The following SUCLA2 variants were observed in gnomAD, a reference collection of about 807,000 sequenced individuals.
SUCLA2 encodes the protein succinate--CoA ligase [ADP-forming] subunit beta, mitochondrial.
In SUCLA2, 30 loss-of-function variants were observed where a neutral mutation model predicts 54.8. That is an observed-to-expected ratio of 0.55 (90% CI 0.41 to 0.74). The LOEUF (loss-of-function observed/expected upper bound fraction) is 0.74. SUCLA2 is among the 30% of genes least tolerant of loss of function. The pLI is 0.00. For missense variants in SUCLA2, 476 were observed against 562.9 expected, an observed-to-expected ratio of 0.85 and a Z score of 1.56; for synonymous variants, 172 against 188.9, an observed-to-expected ratio of 0.91 and a Z score of 0.74.
intron 6 of SUCLA2, among the ~76,000 whole-genome samples, chr13:47,954,932 C>T (rs1416134922): frequency 1.3e-5 from 2 of 152,150 alleles, no homozygotes; most frequent in African/African-American, 4.8e-5. Context: ...TCCAGCAATT[C>T]TGTCTCCCCT....
chr13:47,989,208 CA>C (rs1950130810), intron 2 of SUCLA2, among the ~76,000 whole-genome samples: 1 of 124,536 alleles, frequency 8.0e-6, no homozygotes, highest in Non-Finnish European at 1.6e-5. Flanking sequence ...TACATTAAAC[CA>C]TTTCTTTTTT....
At chr13:47,997,308 A>G (rs535271916) in intron 1 of SUCLA2, among the ~76,000 whole-genome samples, 1 of 152,306 alleles carries the variant, frequency 6.6e-6, no homozygotes, top group Admixed American at 6.5e-5. Flanking sequence ...CCTCAATGCC[A>G]AATTCAGCGG....
intron 4 of SUCLA2, among the ~76,000 whole-genome samples, chr13:47,974,497 C>T (rs1949992915): frequency 6.6e-6 from 1 of 151,948 alleles, no homozygotes. Context: ...TGAAATGGGA[C>T]GATGGCTTGA....
chr13:47,995,800 A>C (rs1440209915), intron 2 of SUCLA2, among the ~76,000 whole-genome samples: 1 of 152,202 alleles, frequency 6.6e-6, no homozygotes, highest in African/African-American at 2.4e-5. Context: ...TTTTCATGCT[A>C]AATCTTTAAA....
intron 5 of SUCLA2, among the ~76,000 whole-genome samples, chr13:47,972,271 A>G (rs1949972950): frequency 6.6e-6 from 1 of 152,148 alleles, no homozygotes; most frequent in Non-Finnish European, 1.5e-5. Flanking sequence ...AATAAATAAA[A>G]TAACAATGAA....
intron 4 of SUCLA2, among the ~76,000 whole-genome samples, chr13:47,973,705 G>T (rs1206482771): frequency 6.6e-6 from 1 of 152,124 alleles, no homozygotes; most frequent in Non-Finnish European, 1.5e-5. Flanking sequence ...GCCCATCAAT[G>T]ATACACTGGA....
chr13:47,982,885 T>C (rs1027094465), intron 4 of SUCLA2, among the ~76,000 whole-genome samples: 3 of 152,158 alleles, frequency 2.0e-5, no homozygotes, highest in African/African-American at 7.2e-5. Context: ...TTTATATCCT[T>C]TGGCTATAAT....
intron 1 of SUCLA2, among the ~76,000 whole-genome samples, chr13:47,999,433 T>C (rs1327436312): frequency 6.6e-6 from 1 of 152,098 alleles, no homozygotes; most frequent in Non-Finnish European, 1.5e-5. Context: ...ACAGGCCGGG[T>C]GCGGTGGCTC....
At position 47,996,658 on chromosome 13, in the gene SUCLA2, C is replaced by CATA. The variant is rs150579065; in HGVS notation, c.271+182_271+184dup. On this transcript the variant is annotated intron_variant, in intron 2 of 10. Transcript: ENST00000646932. ...CCACGTCACTGGCATTATGGGTGCT[C>CATA]ATAATAATAATAATAATAATAATTT... is the stretch of plus-strand genomic sequence containing the variant. Among the ~76,000 whole-genome samples, 1,387 of 150,954 alleles carry CATA rather than the reference C, an allele frequency of 9.2e-3. 27 individuals carry two copies. The highest frequency in any genetic ancestry group is 0.03 in the African/African-American group (1,246 of 41,134).
At chr13:47,957,209 G>A (rs1009476753) in intron 6 of SUCLA2, among the ~76,000 whole-genome samples, 4 of 151,990 alleles carry the variant, frequency 2.6e-5, no homozygotes, top group Admixed American at 6.5e-5. Context: ...TATAAACCCC[G>A]AGTTTTAGCC....
chr13:47,955,298 C>T (rs9567959), intron 6 of SUCLA2, among the ~76,000 whole-genome samples: 110,880 of 152,030 alleles, frequency 0.73, 41,401 homozygotes, highest in Non-Finnish European at 0.82. Context: ...ACCTCCCAGG[C>T]TCAAGCAATT....
chr13:48,000,882 C>T, intron 1 of SUCLA2: 2 of 1,264,590 alleles, frequency 1.6e-6, no homozygotes, highest in Non-Finnish European at 2.0e-6. Context: ...ATGTCCTGAC[C>T]CCCTCACCTC....
At chr13:47,979,486 G>A (rs7982822) in intron 4 of SUCLA2, among the ~76,000 whole-genome samples, 8,016 of 152,120 alleles carry the variant, frequency 0.053, 284 homozygotes, top group Middle Eastern at 0.13. Context: ...GGGGCCTGTC[G>A]GGGGGTGGGG....
At chr13:47,994,906 ATTAAG>A in intron 2 of SUCLA2, 1 of 974,340 alleles carries the variant, frequency 1.0e-6, no homozygotes, top group Non-Finnish European at 1.2e-6. Flanking sequence ...CCTAAGAATC[ATTAAG>A]TTTTTATAAG....
rs879679737 is a variant in SUCLA2, at chr13:47,943,782, T to TATATAAA, written c.1318-338_1318-337insTTTATAT. ...TGTGTGTGTGTATATATATATATAT[T>TATATAAA]ATTCTAAATTTTATCTTAAAGACAG... is the stretch of plus-strand genomic sequence containing the variant. On this transcript the variant is annotated intron_variant, in intron 10 of 10. Coordinates refer to ENST00000646932, the MANE Select transcript of SUCLA2 (RefSeq NM_003850.3). 2.8e-4 allele frequency among the ~76,000 whole-genome samples: 33 copies of TATATAAA among 118,782 alleles called. No homozygotes were observed. The South Asian group carries it at 9.0e-3, about 33-fold the overall frequency. The allele number at this position is 118,782 out of a possible 152,430, so 77.9% of individuals were successfully genotyped here.
intron 4 of SUCLA2, among the ~76,000 whole-genome samples, chr13:47,984,403 T>C (rs919427932): frequency 1.5e-4 from 22 of 151,260 alleles, no homozygotes; most frequent in African/African-American, 5.1e-4. Context: ...AGTGTTTCAC[T>C]GTGTTAGCCA....
At chr13:47,992,106 A>G (rs1950154337) in intron 2 of SUCLA2, among the ~76,000 whole-genome samples, 1 of 152,226 alleles carries the variant, frequency 6.6e-6, no homozygotes, top group African/African-American at 2.4e-5. Flanking sequence ...GAAGAGAACT[A>G]CAAGGCAAAC....
At chr13:47,948,382 T>A (rs1044635844) in intron 10 of SUCLA2, among the ~76,000 whole-genome samples, 1 of 145,724 alleles carries the variant, frequency 6.9e-6, no homozygotes, top group Non-Finnish European at 1.5e-5. Context: ...TGTGCGTGCA[T>A]GTGTGTGTGC....
At chr13:47,966,361 A>G (rs1949918126) in intron 6 of SUCLA2, among the ~76,000 whole-genome samples, 1 of 152,110 alleles carries the variant, frequency 6.6e-6, no homozygotes, top group Non-Finnish European at 1.5e-5. Flanking sequence ...ATTAAATTAA[A>G]TTAATGCTGT....
Sources: allele counts gnomAD v4.1 joint callset (sites outside exome capture counted in the v4.1 genomes callset), GRCh38; gene constraint gnomAD v4.1.1; transcripts MANE v1.5; gene names NCBI Gene and HGNC (gene_info 2026-07-23, HGNC 2026-07-21).